HELZ2: variants seen among roughly 807,000 people sequenced by gnomAD.
HELZ2 encodes the protein 3'-5' exoribonuclease HELZ2.
Under a neutral mutation model 208.8 loss-of-function variants are expected in HELZ2, and 143 were observed. That is an observed-to-expected ratio of 0.68 (90% CI 0.60 to 0.79). The LOEUF (loss-of-function observed/expected upper bound fraction) is 0.79, where lower values mean the gene tolerates loss of function less well. Ranked by LOEUF, HELZ2 falls within the 30% of genes least tolerant of loss-of-function variation. HELZ2 has a pLI of 0.00. For missense variants in HELZ2, 3,690 were observed against 3,794.5 expected, an observed-to-expected ratio of 0.97 and a Z score of 0.72; for synonymous variants, 1,705 against 1,693.7, an observed-to-expected ratio of 1.01 and a Z score of -0.16.
chr20:63,569,576 G>A (rs6089925), exon 4 of HELZ2: 141,279 of 1,588,618 alleles, frequency 0.089, 11,016 homozygotes, highest in African/African-American at 0.38. Context: ...CACCCCGTGC[G>A]TAGAGCCGGC....
exon 8 of HELZ2, chr20:63,564,382 G>T: frequency 1.3e-6 from 2 of 1,552,680 alleles, no homozygotes; most frequent in Non-Finnish European, 1.7e-6. Flanking sequence ...CGTCCACGGA[G>T]TCCAGGCGGG....
chr20:63,569,296 GGGCCGTCTGCTC>G (rs2082995131), exon 4 of HELZ2: 1 of 1,575,494 alleles, frequency 6.3e-7, no homozygotes, highest in Non-Finnish European at 8.6e-7. Flanking sequence ...TTGGCCATCA[GGGCCGTCTGCTC>G]GGCCGTCCGC....
At chr20:63,560,848 G>C in exon 15 of HELZ2, 1 of 1,613,300 alleles carries the variant, frequency 6.2e-7, no homozygotes, top group East Asian at 2.2e-5. Context: ...CGCTCGAACA[G>C]AGACCGGTCC....
exon 17 of HELZ2, chr20:63,560,172 C>A: frequency 1.3e-6 from 2 of 1,553,826 alleles, no homozygotes; most frequent in Non-Finnish European, 1.7e-6. Context: ...CAGCCTCACC[C>A]TGGCTCTTGG....
At chr20:63,569,475 A>G (rs2082997220) in exon 4 of HELZ2, 3 of 1,611,416 alleles carry the variant, frequency 1.9e-6, no homozygotes, top group Non-Finnish European at 1.7e-6. Flanking sequence ...AAAGTCGAAG[A>G]CCACCCATTG....
At chr20:63,563,034 C>T (rs1287963387) in exon 8 of HELZ2, 4 of 1,600,530 alleles carry the variant, frequency 2.5e-6, no homozygotes, top group East Asian at 2.3e-5. Context: ...TCCCTCGGGG[C>T]CCGGTACACA....
At chr20:63,559,277 C>G in exon 19 of HELZ2, 1 of 1,585,240 alleles carries the variant, frequency 6.3e-7, no homozygotes, top group Non-Finnish European at 8.6e-7. Context: ...CCTGCAGACG[C>G]GCACCTGGCC....
In HELZ2 at chr20:63,561,248, C is replaced by T. The variant is rs538223083; in HGVS notation, c.6980G>A (p.Arg2327Gln). The T allele has an allele frequency of 3.7e-5, 60 of 1,612,770 alleles. No homozygotes were observed. In the Middle Eastern group the frequency reaches 8.3e-4, roughly 22 times the overall value. ...CTCATGCCGGTCCAGCTCGAACTTC[C>T]GAGCCTCCCACAAGACCTTCTTGTA... Residue 2327 changes from arginine to glutamine, a missense_variant, in exon 14 of 19, where the codon CGG becomes CAG. Coordinates refer to ENST00000467148, the Ensembl canonical transcript of HELZ2.
chr20:63,565,732 C>T lies in HELZ2; in HGVS notation c.3090G>A (p.Val1030=), dbSNP rs776329589. 2.5e-6 allele frequency: 4 copies of T among 1,604,708 alleles called. No homozygotes were observed. The Admixed American group carries it at 5.0e-5, about 20-fold the overall frequency. The change falls in exon 8 of 19, where the codon GTG becomes GTA. Residue 1030 remains valine, a synonymous_variant. Coordinates refer to ENST00000467148, the Ensembl canonical transcript of HELZ2. ...AGGCCCCGGGCACCACGTCTTCCTT[C>T]ACTGCGTCTCCTGCTGGTGCTGCCG...
exon 8 of HELZ2, chr20:63,565,683 C>T: frequency 6.2e-7 from 1 of 1,608,776 alleles, no homozygotes; most frequent in Non-Finnish European, 8.5e-7. Flanking sequence ...TCCACGCCCG[C>T]TGCAGCAGCC....
rs372227006 is a variant in HELZ2, at chr20:63,560,531, G to A, written c.7448C>T (p.Thr2483Met). 19 of 1,607,834 alleles carry A rather than the reference G, an allele frequency of 1.2e-5. 1 individual carries two copies. Among genetic ancestry groups the A allele is most frequent in the Middle Eastern group, 1.6e-4 (1 of 6,078 alleles). ...CTTGGAGTTCTCATTCCCTTCGTCC[G>A]TGGACACCAGCAGGCTCCGCTCGTG... The change falls in exon 16 of 19, where the codon ACG becomes ATG. Residue 2483 changes from threonine (T) to methionine (M), a missense_variant. Thr to Met is a moderately conservative substitution (Grantham distance 81). Transcript: ENST00000467148.
At chr20:63,570,647 A>ACGC in intron 2 of HELZ2, 36 bp from the exon 4 acceptor site, 71 of 1,497,272 alleles carry the variant, frequency 4.7e-5, no homozygotes, top group Non-Finnish European at 5.6e-5. Context: ...AGAGGCCTGG[A>ACGC]CCCCACCCCA....
chr20:63,573,946 T>C (rs1477168991), upstream of HELZ2, among the ~76,000 whole-genome samples: 3 of 152,124 alleles, frequency 2.0e-5, no homozygotes, highest in Non-Finnish European at 2.9e-5. The surrounding 1 kb of genome is among the most constrained non-coding windows in gnomAD (Gnocchi z 4.9). Flanking sequence ...TGCGCTCCAG[T>C]GGGTGCAGAG....
downstream of HELZ2, chr20:63,558,523 T>TAACAAA (rs1233131058): frequency 1.3e-5 from 2 of 152,310 alleles, no homozygotes; most frequent in Non-Finnish European, 2.9e-5. Context: ...TCTGTTCCAG[T>TAACAAA]AACAGATGCT....
At chr20:63,560,604 G>A in exon 16 of HELZ2, 2 of 1,611,808 alleles carry the variant, frequency 1.2e-6, no homozygotes, top group Non-Finnish European at 1.7e-6. Context: ...TTGCCAGCGT[G>A]GCCCAGGACA....
At chr20:63,571,279 A>G (rs796112043) in intron 1 of HELZ2, 2,069 of 83,588 alleles carry the variant, frequency 0.025, 1 homozygote, top group East Asian at 0.12. Context: ...GCTCCTGGGA[A>G]CCTCTGGCTC....
At chr20:63,566,963 G>A (rs749916715) in exon 6 of HELZ2, 1 of 1,611,250 alleles carries the variant, frequency 6.2e-7, no homozygotes, top group South Asian at 1.1e-5. Context: ...GCCAGATTCA[G>A]CCAGGACGCC....
chr20:63,565,355 T>C, exon 8 of HELZ2: 1 of 1,607,430 alleles, frequency 6.2e-7, no homozygotes, highest in Non-Finnish European at 8.5e-7. Context: ...GCCCCTGACC[T>C]GGATGGGGCC....
At chr20:63,562,315 G>T in exon 9 of HELZ2, 1 of 1,598,740 alleles carries the variant, frequency 6.3e-7, no homozygotes, top group South Asian at 1.1e-5. Context: ...GGGACAGGCC[G>T]GCCCAGTGCG....
Sources: gnomAD v4.1 joint callset for allele counts (sites outside exome capture counted in the v4.1 genomes callset) on GRCh38, gnomAD v4.1.1 for gene constraint, Gnocchi (gnomAD v3.1) non-coding constraint, MANE v1.5 for transcripts, NCBI Gene and HGNC (gene_info 2026-07-23, HGNC 2026-07-21) for gene names.